The following GRIA2 variants were observed in gnomAD, a reference collection of about 807,000 sequenced individuals.
The protein encoded by GRIA2 is glutamate ionotropic receptor AMPA type subunit 2, also known as glutamate receptor 2.
GRIA2 carries 14 observed loss-of-function variants against 97.3 expected under a neutral mutation model. The observed-to-expected ratio is 0.14, with a 90% CI of 0.10 to 0.23. GRIA2 has a LOEUF of 0.23. Ranked by LOEUF, GRIA2 falls within the 10% of genes least tolerant of loss-of-function variation. The pLI is 1.00. For synonymous variants in GRIA2, 412 were observed against 387.8 expected, an observed-to-expected ratio of 1.06 and a Z score of -0.73; for missense variants, 558 against 1,069.8, an observed-to-expected ratio of 0.52 and a Z score of 6.67.
intron 2 of GRIA2, among the ~76,000 whole-genome samples, chr4:157,286,801 C>T (rs1179894287): frequency 4.0e-5 from 6 of 151,514 alleles, no homozygotes; most frequent in Non-Finnish European, 7.4e-5. Context: ...TACTGTCTTC[C>T]AGTTTCCTTT....
chr4:157,283,077 T>G (rs1344024534), intron 2 of GRIA2, among the ~76,000 whole-genome samples: 3 of 152,104 alleles, frequency 2.0e-5, no homozygotes, highest in Non-Finnish European at 1.5e-5. Flanking sequence ...GATGATATTT[T>G]TTCAAATATA....
intron 2 of GRIA2, among the ~76,000 whole-genome samples, chr4:157,240,422 T>C (rs547667194): frequency 6.6e-6 from 1 of 152,142 alleles, no homozygotes; most frequent in East Asian, 1.9e-4. Context: ...GAGTTTCTCA[T>C]TTTTTTGTTT....
At chr4:157,277,458 T>A (rs984039290) in intron 2 of GRIA2, among the ~76,000 whole-genome samples, 1 of 151,852 alleles carries the variant, frequency 6.6e-6, no homozygotes, top group Non-Finnish European at 1.5e-5. Flanking sequence ...GCTTTATTGC[T>A]AAGATCAGGA....
intron 12 of GRIA2, among the ~76,000 whole-genome samples, chr4:157,355,333 G>A (rs1396877144): frequency 6.6e-6 from 1 of 151,876 alleles, no homozygotes; most frequent in Non-Finnish European, 1.5e-5. Context: ...TTCAAGACCA[G>A]CCTGGCCAAC....
chr4:157,230,124 GAA>G (rs1729934250), intron 2 of GRIA2, among the ~76,000 whole-genome samples: 1 of 152,058 alleles, frequency 6.6e-6, no homozygotes, highest in Non-Finnish European at 1.5e-5. Context: ...CTTGATATAA[GAA>G]AAGTTTCCTC....
chr4:157,260,912 T>C (rs1337467457), intron 2 of GRIA2, among the ~76,000 whole-genome samples: 1 of 151,984 alleles, frequency 6.6e-6, no homozygotes, highest in Non-Finnish European at 1.5e-5. Context: ...CTTAGCTCCC[T>C]CACTTACCAT....
chr4:157,336,741 C>T lies in GRIA2; in HGVS notation c.1838C>T (p.Ser613Leu), dbSNP rs1735304432. The T allele has an allele frequency of 1.9e-6, 3 of 1,610,332 alleles. No homozygotes were observed. The highest frequency in any genetic ancestry group is 2.2e-5 in the East Asian group (1 of 44,818). ...GAFMQQGCDI[S>L]PRSLSGRIVG... The stretch of plus-strand genomic sequence containing the variant: ...TTTATGCAGCAAGGATGCGATATTT[C>T]GCCAAGGTTGGTTACTCACCTGCTT... Residue 613 changes from serine to leucine, a missense_variant, in exon 11 of 16, where the codon TCG becomes TTG. Around this residue, in one of 8 missense-constraint regions of GRIA2, gnomAD observed 125 missense variants for 310.2 expected, o/e 0.40. Transcript: ENST00000264426.
chr4:157,272,285 A>G (rs1025246482), intron 2 of GRIA2, among the ~76,000 whole-genome samples: 3 of 152,024 alleles, frequency 2.0e-5, no homozygotes, highest in African/African-American at 7.2e-5. Flanking sequence ...CATTAAACTA[A>G]GTAAAAATCT....
At chr4:157,233,994 G>A (rs1454240120) in intron 2 of GRIA2, among the ~76,000 whole-genome samples, 2 of 152,064 alleles carry the variant, frequency 1.3e-5, no homozygotes, top group Admixed American at 1.3e-4. Flanking sequence ...GCCTCTATTG[G>A]TCTCAGTTGG....
intron 6 of GRIA2, among the ~76,000 whole-genome samples, chr4:157,323,207 C>G (rs1388871612): frequency 6.6e-6 from 1 of 151,534 alleles, no homozygotes; most frequent in Non-Finnish European, 1.5e-5. Context: ...TGGTGGCAGG[C>G]TCCTGTAATC....
At chr4:157,345,686 A>G (rs1484084941) in intron 12 of GRIA2, among the ~76,000 whole-genome samples, 5 of 152,158 alleles carry the variant, frequency 3.3e-5, no homozygotes, top group Non-Finnish European at 7.4e-5. Flanking sequence ...AAGCACAATT[A>G]TTAACTTGCA....
chr4:157,232,821 G>C (rs1434772547), intron 2 of GRIA2, among the ~76,000 whole-genome samples: 1 of 152,122 alleles, frequency 6.6e-6, no homozygotes, highest in Non-Finnish European at 1.5e-5. Context: ...ATACAGAATA[G>C]CATGGGTTAA....
chr4:157,311,413 A>G (rs1242220016), intron 3 of GRIA2, among the ~76,000 whole-genome samples: 1 of 151,974 alleles, frequency 6.6e-6, no homozygotes, highest in Non-Finnish European at 1.5e-5. Flanking sequence ...TGATGGTTTT[A>G]GAGAGTTCCT....
At chr4:157,268,654 T>A (rs1731877791) in intron 2 of GRIA2, among the ~76,000 whole-genome samples, 1 of 152,132 alleles carries the variant, frequency 6.6e-6, no homozygotes, top group East Asian at 1.9e-4. Context: ...CTCCAAAAAA[T>A]TCCTTTTCTA....
intron 12 of GRIA2, chr4:157,342,203 G>T: frequency 1.0e-6 from 1 of 978,250 alleles, no homozygotes; most frequent in African/African-American, 1.7e-5. Flanking sequence ...AATGGTCTCT[G>T]ATAATCTACA....
intron 6 of GRIA2, among the ~76,000 whole-genome samples, chr4:157,323,169 AC>A (rs746866324): frequency 5.3e-5 from 8 of 151,464 alleles, no homozygotes; most frequent in Non-Finnish European, 1.0e-4. Context: ...CCCCGTCTCT[AC>A]CAAAAATACA....
At chr4:157,251,379 TA>T (rs966763239) in intron 2 of GRIA2, among the ~76,000 whole-genome samples, 13 of 152,166 alleles carry the variant, frequency 8.5e-5, no homozygotes, top group South Asian at 2.1e-4. Flanking sequence ...CAGAAAAAAA[TA>T]AAAAACAATG....
intron 6 of GRIA2, among the ~76,000 whole-genome samples, chr4:157,325,076 C>A (rs187692379): frequency 4.6e-4 from 70 of 152,232 alleles, no homozygotes; most frequent in Middle Eastern, 6.8e-3. Context: ...ACACCAAATT[C>A]TTTCCATAGT....
intron 12 of GRIA2, among the ~76,000 whole-genome samples, chr4:157,349,816 A>G (rs2126969044): frequency 6.6e-6 from 1 of 152,254 alleles, no homozygotes; most frequent in Middle Eastern, 3.4e-3. Flanking sequence ...TTCTGAATGC[A>G]TGTTGTTGAG....
Sources: allele counts gnomAD v4.1 joint callset (sites outside exome capture counted in the v4.1 genomes callset), GRCh38; gene constraint gnomAD v4.1.1; regional missense constraint gnomAD v4.1.1; transcripts MANE v1.5; gene names NCBI Gene and HGNC (gene_info 2026-07-23, HGNC 2026-07-21).